Variants in KAT2A observed in about 807,000 individuals in gnomAD.
KAT2A encodes histone acetyltransferase KAT2A.
KAT2A carries 42 observed loss-of-function variants against 95.2 expected under a neutral mutation model. That is an observed-to-expected ratio of 0.44 (90% CI 0.34 to 0.57). The LOEUF (loss-of-function observed/expected upper bound fraction) is 0.57, where lower values mean the gene tolerates loss of function less well. Ranked by LOEUF, KAT2A falls within the 20% of genes least tolerant of loss-of-function variation. The pLI is 0.01. For missense variants in KAT2A, 784 were observed against 1,126.3 expected (o/e 0.70, Z 4.35); for synonymous variants, 449 against 448.2 (o/e 1.00, Z -0.02).
At position 42,113,178 on chromosome 17, in the gene KAT2A, AC is replaced by A. The variant is rs1444758386; in HGVS notation, c.*470del. ...ATGCCAGGGAATGAATGGTCCCCAT[AC>A]CCCCCACCCCTGGGGGAGACTGACA... On this transcript the variant is annotated 3_prime_UTR_variant, in exon 18 of 18. Coordinates refer to ENST00000225916, the MANE Select transcript of KAT2A (RefSeq NM_021078.3). 1.3e-5 allele frequency: 2 copies of A among 155,662 alleles called. No individual in the cohort carries two copies. The highest frequency in any genetic ancestry group is 2.9e-5 in the Non-Finnish European group (2 of 70,154). The allele number at this position is 155,662 out of a possible 1,614,324, so 9.6% of individuals were successfully genotyped here. A position where few individuals can be genotyped will look rare whatever the true frequency, so the allele number is the denominator to read the frequency against.
rs2054195775 is a variant in KAT2A at position 42,113,302 on chromosome 17, G to A, written c.*347C>T. 1 of 227,894 alleles carries A rather than the reference G, an allele frequency of 4.4e-6. No homozygotes were observed. The highest frequency in any genetic ancestry group is 2.3e-5 in the African/African-American group (1 of 42,860). The allele number at this position is 227,894 out of a possible 1,614,324, so 14.1% of individuals were successfully genotyped here. On this transcript the variant is annotated 3_prime_UTR_variant, in exon 18 of 18. Transcript: ENST00000225916. The stretch of plus-strand genomic sequence containing the variant: ...CTAAAATGAGCAGTTCTGGTCCTCA[G>A]GGAAACAGCCACCTGGGCCAGGCCC...
intron 7 of KAT2A, 39 bp downstream of exon 7, chr17:42,118,258 G>T (rs2054290834): frequency 1.4e-6 from 2 of 1,472,322 alleles, no homozygotes; most frequent in Non-Finnish European, 1.9e-6. Flanking sequence ...GCTCAGCCAG[G>T]CAGGCCAGAC....
Position 42,114,493 on chromosome 17 carries a change from T to C in KAT2A, c.2131A>G (p.Ile711Val), listed in dbSNP as rs2054224408. 3.1e-6 allele frequency: 5 copies of C among 1,614,012 alleles called. No individual in the cohort carries two copies. Among genetic ancestry groups the C allele is most frequent in the African/African-American group, 1.3e-5 (1 of 75,022 alleles). Residue 711 changes from isoleucine (I) to valine (V), a missense_variant, in exon 14 of 18, where the codon ATT becomes GTT. Transcript: ENST00000225916. This position sits in a 1 kb window ranked among gnomAD's most constrained non-coding sequence, Gnocchi z 6.0. ...RQIPVESVPG[I>V]RETGWKPLGK... is the part of the protein sequence containing the mutation. ...TGCAACTGAGACCCCTGCTTACGAA[T>C]GCCAGGAACGCTCTCCACAGGGATC...
At position 42,118,035 on chromosome 17, in the gene KAT2A, C is replaced by T. The variant is rs35478347; in HGVS notation, c.1181-18G>A. ...GACTGAAGCTGAGGAGAGAGAGAGA[C>T]GTCAGGGATGGGGGGCTGAAGCTGA... On this transcript the variant is annotated intron_variant, in intron 7 of 17. Coordinates refer to ENST00000225916, the MANE Select transcript of KAT2A (RefSeq NM_021078.3). 5 of 1,416,260 alleles carry T rather than the reference C, an allele frequency of 3.5e-6. No homozygotes were observed. The highest frequency in any genetic ancestry group is 2.6e-5 in the South Asian group (2 of 76,576). 87.7% of individuals were successfully genotyped at this position (1,416,260 alleles called of 1,614,324 possible).
chr17:42,118,520 C>T (rs1414275328), intron 6 of KAT2A, 117 bp from the exon 7 acceptor site: 1 of 710,068 alleles, frequency 1.4e-6, no homozygotes, highest in South Asian at 1.6e-5. Context: ...GAACTGGGGA[C>T]CTGAGAGAGG....
chr17:42,115,896 C>G (rs144923852), intron 11 of KAT2A, 63 bp from the exon 12 acceptor site: 11 of 901,234 alleles, frequency 1.2e-5, no homozygotes, highest in South Asian at 1.2e-4. Flanking sequence ...GGAGAGGTCT[C>G]AGAGACCAGA....
In KAT2A at chr17:42,120,220, C is replaced by G; in HGVS notation, c.609+5G>C. 1 of 1,614,186 alleles carries G rather than the reference C, an allele frequency of 6.2e-7. No homozygotes were observed. The highest frequency in any genetic ancestry group is 8.5e-7 in the Non-Finnish European group (1 of 1,180,012). ...CACTCACACCCTCCTTTAGTGGAAG[C>G]TCACCTTGAAGAGGTAGAAATAGAC... On this transcript the variant is annotated splice_donor_5th_base_variant and intron_variant, in intron 3 of 17. Coordinates refer to ENST00000225916, the MANE Select transcript of KAT2A (RefSeq NM_021078.3).
chr17:42,119,463 AG>A lies in KAT2A; in HGVS notation c.882-28del. The A allele has an allele frequency of 6.3e-7, 1 of 1,593,978 alleles. No individual in the cohort carries two copies. Among genetic ancestry groups the A allele is most frequent in the Non-Finnish European group, 8.6e-7 (1 of 1,166,684 alleles). On this transcript the variant is annotated intron_variant, in intron 5 of 17. Transcript: ENST00000225916. This position sits in a 1 kb window ranked among gnomAD's most constrained non-coding sequence, Gnocchi z 5.3. Reference sequence around the variant, plus strand: ...TGGAGTAGGGGGTCGAGGGGGAGACAGGTGAGGGCGGAAACCACTGAACCCA... The same window carrying A: ...TGGAGTAGGGGGTCGAGGGGGAGACAGTGAGGGCGGAAACCACTGAACCCA...
At chr17:42,116,346 C>A (rs2054258126) in intron 11 of KAT2A, among the ~76,000 whole-genome samples, 2 of 152,222 alleles carry the variant, frequency 1.3e-5, no homozygotes, top group Non-Finnish European at 2.9e-5. Context: ...ATGCGACACA[C>A]AGAGCCAGAG....
chr17:42,113,540 G>A lies in KAT2A; in HGVS notation c.*109C>T, dbSNP rs371547372. 8 of 1,059,852 alleles carry A rather than the reference G, an allele frequency of 7.5e-6. No homozygotes were observed. The African/African-American group carries it at 1.1e-4, about 15-fold the overall frequency. 65.7% of individuals were successfully genotyped at this position (1,059,852 alleles called of 1,614,324 possible). A position where few individuals can be genotyped will look rare whatever the true frequency, so the allele number is the denominator to read the frequency against. ...GATCGGGTCCGGAGGACCCTTGGCT[G>A]GAGTGTCTCAAGCTGAGTCGGGTCC... On this transcript the variant is annotated 3_prime_UTR_variant, in exon 18 of 18. Coordinates refer to ENST00000225916, the MANE Select transcript of KAT2A (RefSeq NM_021078.3).
In KAT2A at chr17:42,119,473, G is replaced by A. The variant is rs376486227; in HGVS notation, c.882-37C>T. The A allele has an allele frequency of 2.7e-4, 426 of 1,589,252 alleles. No individual in the cohort carries two copies. The highest frequency in any genetic ancestry group is 1.3e-3 in the Middle Eastern group (8 of 5,966). On this transcript the variant is annotated intron_variant, in intron 5 of 17. Coordinates refer to ENST00000225916, the MANE Select transcript of KAT2A (RefSeq NM_021078.3). This position sits in a 1 kb window ranked among gnomAD's most constrained non-coding sequence, Gnocchi z 5.3. ...GGTCGAGGGGGAGACAGGTGAGGGC[G>A]GAAACCACTGAACCCAGGCTGGGCC...
chr17:42,115,037 T>C lies in KAT2A; in HGVS notation c.1876-2A>G. ...CACCTTGATGTCCTTGGAGAAACCC[T>C]GGGGGGTGGATGGTCATGACCCAGT... On this transcript the variant is annotated splice_acceptor_variant, in intron 12 of 17. Transcript: ENST00000225916. LOFTEE classifies it high-confidence loss of function. 6.2e-7 allele frequency: 1 copy of C among 1,613,426 alleles called. No homozygotes were observed. The highest frequency in any genetic ancestry group is 8.5e-7 in the Non-Finnish European group (1 of 1,179,704).
At chr17:42,115,326 G>A in intron 12 of KAT2A, among the ~76,000 whole-genome samples, 1 of 86,274 alleles carries the variant, frequency 1.2e-5, no homozygotes, top group South Asian at 3.7e-4. Context: ...TCCTCTACTG[G>A]CCCCCCAGTT....
rs2054231930 is a variant in KAT2A at position 42,114,851 on chromosome 17, A to G, written c.2019+41T>C. The G allele has an allele frequency of 1.2e-6, 2 of 1,609,374 alleles. No individual in the cohort carries two copies. The highest frequency in any genetic ancestry group is 2.2e-5 in the East Asian group (1 of 44,872). ...ACGTGTGCTCGCCCTCTGCATGCCCATTCATGAAAAATCCCACAGATGCGC... is the reference window on the plus strand; with the variant it reads ...ACGTGTGCTCGCCCTCTGCATGCCCGTTCATGAAAAATCCCACAGATGCGC... On this transcript the variant is annotated intron_variant, in intron 13 of 17. Transcript: ENST00000225916. The surrounding 1 kb of genome is among the most constrained non-coding windows in gnomAD (Gnocchi z 6.0).
chr17:42,120,060 G>C lies in KAT2A; in HGVS notation c.669C>G (p.Ser223Arg), dbSNP rs782240340. Residue 223 changes from serine to arginine, a missense_variant, in exon 4 of 18, where the codon AGC becomes AGG. By Grantham distance (110) the Ser-to-Arg change is moderately radical. Transcript: ENST00000225916. ...CAATATTAGGTTTCTCAAATGGAGG[G>C]CTGCCCAGGGACCCCTCCACCACAG... ...TRPVVEGSLG[S>R]PPFEKPNIEQ... 1 of 1,614,080 alleles carries C rather than the reference G, an allele frequency of 6.2e-7. No individual in the cohort carries two copies. Among genetic ancestry groups the C allele is most frequent in the Non-Finnish European group, 8.5e-7 (1 of 1,179,968 alleles).
In KAT2A at chr17:42,113,503, A is replaced by G; in HGVS notation, c.*146T>C. 1.5e-6 allele frequency: 1 copy of G among 688,304 alleles called. No homozygotes were observed. The highest frequency in any genetic ancestry group is 2.0e-5 in the South Asian group (1 of 50,268). The allele number at this position is 688,304 out of a possible 1,614,324, so 42.6% of individuals were successfully genotyped here. A position where few individuals can be genotyped will look rare whatever the true frequency, so the allele number is the denominator to read the frequency against. ...CGCTTGGGGGTGCCTGAAGGTCCAG[A>G]AAGAGCTGCAGGATCGGGTCCGGAG... On this transcript the variant is annotated 3_prime_UTR_variant, in exon 18 of 18. Coordinates refer to ENST00000225916, the MANE Select transcript of KAT2A (RefSeq NM_021078.3).
intron 2 of KAT2A, 124 bp from the exon 3 acceptor site, chr17:42,120,494 C>A: frequency 5.6e-6 from 7 of 1,250,102 alleles, no homozygotes; most frequent in Non-Finnish European, 6.9e-6. Flanking sequence ...AACAGTGAGA[C>A]TGACTGCTCC....
intron 17 of KAT2A, 58 bp from the exon 18 acceptor site, chr17:42,113,900 T>C: frequency 6.7e-7 from 1 of 1,495,990 alleles, no homozygotes; most frequent in Non-Finnish European, 8.9e-7. Flanking sequence ...GGCAGGGCTG[T>C]CCACCAGGGT....
rs574303932 is a variant in KAT2A at position 42,113,559 on chromosome 17, C to T, written c.*90G>A. 3.9e-6 allele frequency: 5 copies of T among 1,281,894 alleles called. No homozygotes were observed. The highest frequency in any genetic ancestry group is 4.9e-5 in the East Asian group (2 of 40,946). 79.4% of individuals were successfully genotyped at this position (1,281,894 alleles called of 1,614,324 possible). ...TTGGCTGGAGTGTCTCAAGCTGAGT[C>T]GGGTCCGTGGGGCCAGGGCACCCCC... On this transcript the variant is annotated 3_prime_UTR_variant, in exon 18 of 18. Transcript: ENST00000225916.
Sources: gnomAD v4.1 joint callset for allele counts (sites outside exome capture counted in the v4.1 genomes callset) on GRCh38, gnomAD v4.1.1 for gene constraint, Gnocchi (gnomAD v3.1) non-coding constraint, MANE v1.5 for transcripts, NCBI Gene and HGNC (gene_info 2026-07-23, HGNC 2026-07-21) for gene names.